The following SH2D1B variants were observed in gnomAD, a reference collection of about 807,000 sequenced individuals.
SH2D1B encodes SH2 domain-containing protein 1B.
A neutral mutation model predicts 16.3 loss-of-function variants in SH2D1B; 11 were observed. That is an observed-to-expected ratio of 0.67 (90% confidence interval 0.42 to 1.11). SH2D1B has a LOEUF of 1.11. SH2D1B is among the 50% of genes most tolerant of loss of function. The pLI is 0.00. For missense variants in SH2D1B, 123 were observed against 153.1 expected (o/e 0.80, Z 1.04); for synonymous variants, 55 against 56.1 (o/e 0.98, Z 0.09).
intron 3 of SH2D1B, among the ~76,000 whole-genome samples, chr1:162,398,259 A>C (rs938037487): frequency 6.6e-6 from 1 of 152,206 alleles, no homozygotes; most frequent in Non-Finnish European, 1.5e-5. Flanking sequence ...ATAACCACAC[A>C]TTCCAACATG....
Position 162,411,932 on chromosome 1 carries a change from GA to G in SH2D1B, c.84del (p.Leu29PhefsTer2). ...GGTATCGACTCGCTGTCTCTTAAAA[GA>G]AAGTTGCCATCCACCCCTTCCTTGA... ...LLLKEGVDGN[F>X]LLRDSESIPG... On this transcript the variant is annotated frameshift_variant, in exon 1 of 4. Transcript: ENST00000367929. LOFTEE classifies it high-confidence loss of function. The G allele has an allele frequency of 1.2e-6, 2 of 1,614,198 alleles. No individual in the cohort carries two copies. The highest frequency in any genetic ancestry group is 1.1e-5 in the South Asian group (1 of 91,086).
chr1:162,406,374 A>G (rs1454631602), intron 1 of SH2D1B, among the ~76,000 whole-genome samples: 1 of 152,198 alleles, frequency 6.6e-6, no homozygotes, highest in African/African-American at 2.4e-5. Flanking sequence ...ATAAAATACT[A>G]AGCAGTCATA....
In SH2D1B at chr1:162,395,886, C is replaced by T. The variant is rs1257738218; in HGVS notation, c.*1394G>A. 3.9e-5 allele frequency: 6 copies of T among 152,164 alleles called. No homozygotes were observed. The East Asian group carries it at 5.8e-4, about 15-fold the overall frequency. 9.4% of individuals were successfully genotyped at this position (152,164 alleles called of 1,614,324 possible). ...TATGCATGGGAAAACATCACAAGAA[C>T]GTCAGTTCTCTCCTATTTACAAATT... On this transcript the variant is annotated 3_prime_UTR_variant, in exon 4 of 4. Transcript: ENST00000367929.
intron 3 of SH2D1B, among the ~76,000 whole-genome samples, chr1:162,397,970 T>G (rs1470134288): frequency 1.3e-5 from 2 of 152,118 alleles, no homozygotes; most frequent in African/African-American, 2.4e-5. Flanking sequence ...AGAAAGTGAT[T>G]TTTTTGTGTC....
chr1:162,405,682 T>C (rs977640149), intron 1 of SH2D1B, among the ~76,000 whole-genome samples: 2 of 152,238 alleles, frequency 1.3e-5, no homozygotes, highest in Non-Finnish European at 2.9e-5. Flanking sequence ...ATGGAAATCG[T>C]TGTCGTCATT....
intron 2 of SH2D1B, chr1:162,402,466 C>A: frequency 4.3e-6 from 1 of 234,952 alleles, no homozygotes; most frequent in Non-Finnish European, 8.2e-6. Flanking sequence ...TGCAGTGAGC[C>A]GAGATCGCAC....
chr1:162,408,512 A>C (rs2101864038), intron 1 of SH2D1B, among the ~76,000 whole-genome samples: 1 of 148,138 alleles, frequency 6.8e-6, no homozygotes, highest in East Asian at 2.0e-4. Context: ...TCCTGGGTTC[A>C]AGCAATTCTC....
chr1:162,411,933 A>T lies in SH2D1B; in HGVS notation c.84T>A (p.Phe28Leu). Residue 28 changes from phenylalanine (F) to leucine (L), a missense_variant, in exon 1 of 4, where the codon TTT becomes TTA. Coordinates refer to ENST00000367929, the MANE Select transcript of SH2D1B (RefSeq NM_053282.5). ...GTATCGACTCGCTGTCTCTTAAAAG[A>T]AAGTTGCCATCCACCCCTTCCTTGA... Reference protein sequence around the residue: ...LLLKEGVDGNFLLRDSESIPG... With the variant: ...LLLKEGVDGNLLLRDSESIPG... 6.2e-6 allele frequency: 10 copies of T among 1,614,172 alleles called. No homozygotes were observed. The highest frequency in any genetic ancestry group is 8.5e-6 in the Non-Finnish European group (10 of 1,180,030).
In SH2D1B at chr1:162,411,986, T is replaced by C. The variant is rs527442136; in HGVS notation, c.31A>G (p.Thr11Ala). 6.2e-7 allele frequency: 1 copy of C among 1,614,112 alleles called. No individual in the cohort carries two copies. The highest frequency in any genetic ancestry group is 1.1e-5 in the South Asian group (1 of 91,070). MDLPYYHGRL[T>A]KQDCETLLLK... ...AGCAAGGTCTCACAGTCTTGCTTGG[T>C]CAGACGTCCATGGTAGTAAGGCAGA... The change falls in exon 1 of 4, where the codon ACC (threonine) becomes GCC (alanine). Residue 11 changes from threonine to alanine, a missense_variant. Physicochemically the swap from Thr to Ala is moderately conservative, Grantham distance 58. Coordinates refer to ENST00000367929, the MANE Select transcript of SH2D1B (RefSeq NM_053282.5).
chr1:162,401,005 C>T (rs756405850), intron 2 of SH2D1B, among the ~76,000 whole-genome samples: 3 of 152,090 alleles, frequency 2.0e-5, no homozygotes, highest in East Asian at 1.9e-4. Flanking sequence ...TTTTCTTGAT[C>T]GTCACTGTGG....
intron 1 of SH2D1B, among the ~76,000 whole-genome samples, chr1:162,403,051 G>A (rs574637457): frequency 8.6e-5 from 13 of 151,934 alleles, no homozygotes; most frequent in African/African-American, 3.1e-4. Flanking sequence ...TGGGATTACA[G>A]GCACCCACCA....
chr1:162,412,075 G>T lies in SH2D1B; in HGVS notation c.-59C>A. On this transcript the variant is annotated 5_prime_UTR_variant, in exon 1 of 4. Transcript: ENST00000367929. ...GGCCTGAAATTCACCCCCAAGTCAA[G>T]GGACAGCTCTGAGGAGAGATGTGTA... 1 of 1,609,416 alleles carries T rather than the reference G, an allele frequency of 6.2e-7. No homozygotes were observed. The highest frequency in any genetic ancestry group is 8.5e-7 in the Non-Finnish European group (1 of 1,176,860).
chr1:162,410,357 G>A (rs1013781584), intron 1 of SH2D1B, among the ~76,000 whole-genome samples: 1 of 152,178 alleles, frequency 6.6e-6, no homozygotes, highest in Non-Finnish European at 1.5e-5. Flanking sequence ...TTTCTGTGCC[G>A]CAAGAGCTCA....
Position 162,411,937 on chromosome 1 carries a change from T to C in SH2D1B, c.80A>G (p.Asn27Ser). Residue 27 changes from asparagine to serine, a missense_variant, in exon 1 of 4, where the codon AAC (asparagine) becomes AGC (serine). By Grantham distance (46) the Asn-to-Ser change is conservative (BLOSUM62 1). Transcript: ENST00000367929. ...TLLLKEGVDG[N>S]FLLRDSESIP... ...CGACTCGCTGTCTCTTAAAAGAAAG[T>C]TGCCATCCACCCCTTCCTTGAGCAG... 6.2e-7 allele frequency: 1 copy of C among 1,614,182 alleles called. No homozygotes were observed. The highest frequency in any genetic ancestry group is 8.5e-7 in the Non-Finnish European group (1 of 1,180,020).
At chr1:162,404,232 C>A (rs1046357035) in intron 1 of SH2D1B, among the ~76,000 whole-genome samples, 3 of 151,868 alleles carry the variant, frequency 2.0e-5, no homozygotes, top group African/African-American at 7.3e-5. Context: ...AGTACTCAGG[C>A]GGCTGAGACA....
rs1013100556 is a variant in SH2D1B, at chr1:162,407,296, AG to A, written c.135-4495del. ...CAGGGGAGACCCATTTTAATGCAGC[AG>A]AGAAGAAGGGGACACTGCATATCAG... On this transcript the variant is annotated intron_variant, in intron 1 of 3. Coordinates refer to ENST00000367929, the MANE Select transcript of SH2D1B (RefSeq NM_053282.5). Among the ~76,000 whole-genome samples the A allele has an allele frequency of 6.2e-4, 95 of 152,224 alleles. 2 individuals are homozygous for A. Among genetic ancestry groups the A allele is most frequent in the Admixed American group, 9.8e-4 (15 of 15,286 alleles).
At chr1:162,404,203 G>A (rs1648598731) in intron 1 of SH2D1B, among the ~76,000 whole-genome samples, 1 of 152,072 alleles carries the variant, frequency 6.6e-6, no homozygotes, top group Non-Finnish European at 1.5e-5. Context: ...GGGTGTGGTG[G>A]CAGGCACCTG....
At chr1:162,400,831 C>A (rs571241517) in intron 2 of SH2D1B, among the ~76,000 whole-genome samples, 1 of 151,916 alleles carries the variant, frequency 6.6e-6, no homozygotes, top group Non-Finnish European at 1.5e-5. Context: ...CGCCTGTAAT[C>A]CCAGCTACTC....
chr1:162,409,244 A>G (rs936108966), intron 1 of SH2D1B, among the ~76,000 whole-genome samples: 1 of 151,954 alleles, frequency 6.6e-6, no homozygotes, highest in Admixed American at 6.6e-5. Context: ...CTAGCTCTTC[A>G]CCGTCTCCCG....
Sources: allele counts gnomAD v4.1 joint callset (sites outside exome capture counted in the v4.1 genomes callset), GRCh38; gene constraint gnomAD v4.1.1; transcripts MANE v1.5; gene names NCBI Gene and HGNC (gene_info 2026-07-23, HGNC 2026-07-21).